The following CNTRL variants were observed in gnomAD, a reference collection of about 807,000 sequenced individuals.
CNTRL encodes the protein centriolin.
In CNTRL, 233 loss-of-function variants were observed where a neutral mutation model predicts 303.7. The ratio of observed to expected loss-of-function variants is 0.77; its 90% CI spans 0.69 to 0.86. The LOEUF (loss-of-function observed/expected upper bound fraction) is 0.86, where lower values mean the gene tolerates loss of function less well. CNTRL is among the 40% of genes least tolerant of loss of function. The pLI is 0.00. For missense variants in CNTRL, 2,524 were observed against 2,650.6 expected, an observed-to-expected ratio of 0.95 and a Z score of 1.05; for synonymous variants, 900 against 922.2, an observed-to-expected ratio of 0.98 and a Z score of 0.44.
At chr9:121,146,456 C>T (rs77016331) in intron 23 of CNTRL, among the ~76,000 whole-genome samples, 200 bp downstream of exon 23, 139 of 152,230 alleles carry the variant, frequency 9.1e-4, no homozygotes, top group African/African-American at 3.2e-3. Context: ...TGTTCATACT[C>T]GGGCGGTATG....
chr9:121,143,995 G>A lies in CNTRL; in HGVS notation c.2964G>A (p.Lys988=). ...AGAAAGCCGTGGCCACCTCTGATAA[G>A]CTAGCCACAGCTGAGCTCACCATTG... ...KLKKAVATSD[K]LATAELTIAK... Residue 988 remains lysine, a synonymous_variant, in exon 20 of 44, where the codon AAG becomes AAA. Coordinates refer to ENST00000373855, the MANE Select transcript of CNTRL (RefSeq NM_007018.6). The A allele has an allele frequency of 6.2e-7, 1 of 1,613,940 alleles. No individual in the cohort carries two copies. The highest frequency in any genetic ancestry group is 2.2e-5 in the East Asian group (1 of 44,866).
chr9:121,131,368 C>G (rs1482291065), intron 14 of CNTRL, among the ~76,000 whole-genome samples: 1 of 152,112 alleles, frequency 6.6e-6, no homozygotes, highest in East Asian at 1.9e-4. Context: ...TTGAATTGAT[C>G]CCTTCACCAT....
At chr9:121,089,825 A>T (rs2048485834) in intron 3 of CNTRL, among the ~76,000 whole-genome samples, 1 of 152,156 alleles carries the variant, frequency 6.6e-6, no homozygotes, top group African/African-American at 2.4e-5. Flanking sequence ...TCTTGAGCAA[A>T]TGATTTTTTT....
Position 121,088,568 on chromosome 9 carries a change from G to A in CNTRL, c.217+25G>A, listed in dbSNP as rs555166878. ...GGTATCACTTTTTAATCTAAGAATT[G>A]GTCTGACCACATACTTCAAGTAGAG... is the stretch of plus-strand genomic sequence containing the variant. On this transcript the variant is annotated intron_variant, in intron 3 of 43. Transcript: ENST00000373855. The A allele has an allele frequency of 3.9e-5, 58 of 1,488,814 alleles. No individual in the cohort carries two copies. In the South Asian group the frequency reaches 6.5e-4, roughly 17 times the overall value. The allele number at this position is 1,488,814 out of a possible 1,614,324, so 92.2% of individuals were successfully genotyped here.
chr9:121,092,701 TC>T lies in CNTRL; in HGVS notation c.349-2186del, dbSNP rs1226408183. The stretch of plus-strand genomic sequence containing the variant: ...TATATATCTATATATATAATATATA[TC>T]TATATATATAATATATATCTATATA... On this transcript the variant is annotated intron_variant, in intron 4 of 43. Transcript: ENST00000373855. Among the ~76,000 whole-genome samples the T allele has an allele frequency of 7.0e-5, 3 of 43,098 alleles. 1 individual carries two copies. Among genetic ancestry groups the T allele is most frequent in the Non-Finnish European group, 8.5e-5 (2 of 23,532 alleles). 28.3% of individuals were successfully genotyped at this position (43,098 alleles called of 152,430 possible).
At chr9:121,150,132 CTT>C (rs766321056) in intron 24 of CNTRL, 36 bp from the exon 25 acceptor site, 6 of 1,534,494 alleles carry the variant, frequency 3.9e-6, no homozygotes, top group Non-Finnish European at 5.3e-6. Context: ...GTAAAACACT[CTT>C]TTGTTGAATA....
In CNTRL at chr9:121,140,737, C is replaced by T. The variant is rs148151065; in HGVS notation, c.2434C>T (p.Arg812Cys). ...GGTTCGTCCAGAAGAAGTGGCAGCTCGTGTGGATGAGCTAAGAAGAAAACT... is the reference window on the plus strand; with the variant it reads ...GGTTCGTCCAGAAGAAGTGGCAGCTTGTGTGGATGAGCTAAGAAGAAAACT... ...GLVRPEEVAA[R>C]VDELRRKLKL... The change falls in exon 17 of 44, where the codon CGT (arginine) becomes TGT (cysteine). Residue 812 changes from arginine to cysteine, a missense_variant. By Grantham distance (180) the Arg-to-Cys change is radical (BLOSUM62 -3). Transcript: ENST00000373855. 342 of 1,613,150 alleles carry T rather than the reference C, an allele frequency of 2.1e-4. No homozygotes were observed. Among genetic ancestry groups the T allele is most frequent in the Non-Finnish European group, 2.7e-4 (318 of 1,179,434 alleles).
chr9:121,098,635 C>A, intron 7 of CNTRL, 63 bp downstream of exon 7: 2 of 1,050,966 alleles, frequency 1.9e-6, no homozygotes, highest in Admixed American at 2.7e-5. Context: ...CAGAAGTTAT[C>A]TAGAAATATG....
At chr9:121,138,319 G>A (rs2051307475) in intron 15 of CNTRL, among the ~76,000 whole-genome samples, 1 of 152,106 alleles carries the variant, frequency 6.6e-6, no homozygotes, top group South Asian at 2.1e-4. Flanking sequence ...GTGTATTTGG[G>A]CTGAGCTGAT....
intron 35 of CNTRL, 84 bp from the exon 36 acceptor site, chr9:121,166,023 T>A: frequency 9.8e-7 from 1 of 1,020,144 alleles, no homozygotes; most frequent in Non-Finnish European, 1.5e-6. Context: ...TAAAACAACT[T>A]CTCTACTTTT....
At position 121,113,726 on chromosome 9, in the gene CNTRL, T is replaced by A; in HGVS notation, c.1345+2T>A. ...ACAAAGAAAAAAAAATAAGTGCAGG[T>A]TAAAAAAAGTTATTTTAAATTCTTT... On this transcript the variant is annotated splice_donor_variant, in intron 10 of 43. Transcript: ENST00000373855. LOFTEE classifies it high-confidence loss of function. The A allele has an allele frequency of 6.7e-7, 1 of 1,499,302 alleles. No homozygotes were observed. Among genetic ancestry groups the A allele is most frequent in the Non-Finnish European group, 8.9e-7 (1 of 1,127,844 alleles). 92.9% of individuals were successfully genotyped at this position (1,499,302 alleles called of 1,614,324 possible). A position where few individuals can be genotyped will look rare whatever the true frequency, so the allele number is the denominator to read the frequency against.
chr9:121,113,637 G>A lies in CNTRL; in HGVS notation c.1258G>A (p.Glu420Lys). The A allele has an allele frequency of 1.2e-6, 2 of 1,608,700 alleles. No homozygotes were observed. Among genetic ancestry groups the A allele is most frequent in the Non-Finnish European group, 1.7e-6 (2 of 1,178,226 alleles). Residue 420 changes from glutamate to lysine, a missense_variant, in exon 10 of 44, where the codon GAA becomes AAA. By Grantham distance (56) the Glu-to-Lys change is moderately conservative (BLOSUM62 1). Transcript: ENST00000373855. ...AVQIKKMEPDEQLRNDHMNLR... is the reference protein window; with the variant it reads ...AVQIKKMEPDKQLRNDHMNLR... ...ACAGATCAAGAAGATGGAGCCAGAT[G>A]AACAACTTAGAAATGATCACATGAA...
intron 27 of CNTRL, among the ~76,000 whole-genome samples, chr9:121,157,225 T>C (rs1049345310): frequency 1.3e-5 from 2 of 152,372 alleles, no homozygotes; most frequent in South Asian, 4.1e-4. Context: ...TATTCCACTT[T>C]GTTAATGCAT....
chr9:121,176,046 G>A (rs957828120), intron 43 of CNTRL, among the ~76,000 whole-genome samples: 1 of 152,174 alleles, frequency 6.6e-6, no homozygotes, highest in Non-Finnish European at 1.5e-5. Flanking sequence ...CATGGAACTG[G>A]TAAGTAGTAG....
At chr9:121,144,764 A>G in intron 20 of CNTRL, 79 bp from the exon 21 acceptor site, 1 of 1,109,140 alleles carries the variant, frequency 9.0e-7, no homozygotes, top group Admixed American at 1.7e-5. Context: ...TGAAAGCAGA[A>G]GAATCAATCC....
intron 8 of CNTRL, chr9:121,110,916 C>G (rs548076632): frequency 6.6e-6 from 1 of 152,184 alleles, no homozygotes; most frequent in South Asian, 2.1e-4. Context: ...ATATGCTAAG[C>G]CTGGGGCTTA....
chr9:121,152,814 C>G, intron 26 of CNTRL, 121 bp downstream of exon 26: 1 of 738,054 alleles, frequency 1.4e-6, no homozygotes, highest in Non-Finnish European at 2.2e-6. Flanking sequence ...TAACCACTAG[C>G]TCAGTGTGGC....
At chr9:121,148,900 C>T in intron 24 of CNTRL, 39 bp downstream of exon 24, 1 of 1,571,322 alleles carries the variant, frequency 6.4e-7, no homozygotes, top group Non-Finnish European at 8.7e-7. Context: ...TTTCTCTTGC[C>T]CGTTTAATAA....
chr9:121,079,106 A>G (rs903743780), intron 1 of CNTRL, among the ~76,000 whole-genome samples: 1 of 152,190 alleles, frequency 6.6e-6, no homozygotes, highest in African/African-American at 2.4e-5. Context: ...TCATTAGTAT[A>G]CAAAAAGACA....
Sources: allele counts gnomAD v4.1 joint callset (sites outside exome capture counted in the v4.1 genomes callset), GRCh38; gene constraint gnomAD v4.1.1; transcripts MANE v1.5; gene names NCBI Gene and HGNC (gene_info 2026-07-23, HGNC 2026-07-21).